TNIK: variants seen among roughly 807,000 people sequenced by gnomAD.
TNIK encodes TRAF2 and NCK interacting kinase, also known as TRAF2 and NCK-interacting protein kinase.
In TNIK, 49 loss-of-function variants were observed where a neutral mutation model predicts 191.3. That is an observed-to-expected ratio of 0.26 (90% CI 0.20 to 0.32). The LOEUF (loss-of-function observed/expected upper bound fraction) is 0.32, where lower values mean the gene tolerates loss of function less well. TNIK is among the 10% of genes least tolerant of loss of function. TNIK has a pLI of 1.00. For synonymous variants in TNIK, 594 were observed against 600.9 expected, an observed-to-expected ratio of 0.99 and a Z score of 0.17; for missense variants, 1,155 against 1,702.3, an observed-to-expected ratio of 0.68 and a Z score of 5.66.
intron 4 of TNIK, among the ~76,000 whole-genome samples, chr3:171,197,363 C>T (rs932475911): frequency 1.3e-5 from 2 of 151,378 alleles, no homozygotes; most frequent in Non-Finnish European, 2.9e-5. Flanking sequence ...TTAGATATGA[C>T]AACAAATGCA....
chr3:171,155,380 C>G (rs766071523), intron 12 of TNIK, among the ~76,000 whole-genome samples: 18 of 152,214 alleles, frequency 1.2e-4, no homozygotes, highest in Non-Finnish European at 2.4e-4. Context: ...TTCTTCTCCA[C>G]TGCGCTATAG....
At chr3:171,219,432 C>A (rs1742008908) in intron 3 of TNIK, among the ~76,000 whole-genome samples, 1 of 150,536 alleles carries the variant, frequency 6.6e-6, no homozygotes, top group African/African-American at 2.4e-5. Context: ...GGTGCCAGTG[C>A]CAGTGCCAGG....
intron 2 of TNIK, among the ~76,000 whole-genome samples, chr3:171,344,708 T>G (rs1038133678): frequency 1.5e-4 from 20 of 132,026 alleles, no homozygotes; most frequent in African/African-American, 4.6e-4. Context: ...AATTACCTCT[T>G]TTTACAACAT....
chr3:171,273,139 C>A (rs1197182132), intron 2 of TNIK, among the ~76,000 whole-genome samples: 1 of 152,198 alleles, frequency 6.6e-6, no homozygotes, highest in Non-Finnish European at 1.5e-5. Context: ...CTCTGTGCTG[C>A]TGACAACTGT....
intron 17 of TNIK, among the ~76,000 whole-genome samples, chr3:171,125,571 A>G (rs1728345840): frequency 6.6e-6 from 1 of 152,208 alleles, no homozygotes; most frequent in Non-Finnish European, 1.5e-5. Flanking sequence ...AATTGTCTTG[A>G]TGTAGATTCA....
At chr3:171,335,265 A>G (rs1756847745) in intron 2 of TNIK, among the ~76,000 whole-genome samples, 1 of 152,196 alleles carries the variant, frequency 6.6e-6, no homozygotes, top group Non-Finnish European at 1.5e-5. Flanking sequence ...GTTGTTTATT[A>G]ATTTAGTAAT....
rs1213494843 is a variant in TNIK at position 171,366,682 on chromosome 3, C to T, written c.123+2938G>A. Among the ~76,000 whole-genome samples the T allele has an allele frequency of 1.3e-5, 2 of 151,980 alleles. No individual in the cohort carries two copies. The highest frequency in any genetic ancestry group is 1.3e-4 in the Admixed American group (2 of 15,260). On this transcript the variant is annotated intron_variant, in intron 2 of 32. Coordinates refer to ENST00000436636, the MANE Select transcript of TNIK (RefSeq NM_015028.4). The surrounding 1 kb of genome is among the most constrained non-coding windows in gnomAD (Gnocchi z 4.1). ...CCTGACTTTATGAAAACCAGGAATG[C>T]CAAAAGAGAGACTTTAAAAATTAAA... is the stretch of plus-strand genomic sequence containing the variant.
intron 16 of TNIK, among the ~76,000 whole-genome samples, chr3:171,127,652 TA>T (rs892545362): frequency 3.9e-5 from 6 of 152,138 alleles, no homozygotes; most frequent in South Asian, 2.1e-4. Flanking sequence ...GAAATTCCTG[TA>T]AAAAAATGTA....
chr3:171,456,827 T>C (rs6780676), intron 1 of TNIK, among the ~76,000 whole-genome samples: 8,817 of 152,314 alleles, frequency 0.058, 709 homozygotes, highest in African/African-American at 0.18. Flanking sequence ...AAATGTATTA[T>C]TGATTTCTGA....
chr3:171,446,678 C>A (rs1429055122), intron 1 of TNIK, among the ~76,000 whole-genome samples: 3 of 152,198 alleles, frequency 2.0e-5, no homozygotes, highest in African/African-American at 7.2e-5. Context: ...ATGTGAAAAA[C>A]TGAAAGCACA....
intron 2 of TNIK, among the ~76,000 whole-genome samples, chr3:171,355,813 T>C (rs574613716): frequency 1.3e-5 from 2 of 152,340 alleles, no homozygotes; most frequent in East Asian, 3.9e-4. Context: ...ATCTCGGTAT[T>C]GTAGCCAGGT....
chr3:171,289,927 A>G (rs1751492322), intron 2 of TNIK, among the ~76,000 whole-genome samples: 1 of 150,278 alleles, frequency 6.7e-6, no homozygotes, highest in Non-Finnish European at 1.5e-5. Context: ...AAAAAAGTGT[A>G]AAGAAAGGCC....
intron 2 of TNIK, among the ~76,000 whole-genome samples, chr3:171,308,005 G>C (rs1238819777): frequency 2.6e-5 from 4 of 152,010 alleles, no homozygotes; most frequent in Non-Finnish European, 5.9e-5. Flanking sequence ...CCTATCCCAA[G>C]CAATTTACAG....
intron 2 of TNIK, among the ~76,000 whole-genome samples, chr3:171,328,752 C>T (rs1560434781): frequency 6.6e-6 from 1 of 152,152 alleles, no homozygotes; most frequent in Non-Finnish European, 1.5e-5. Context: ...GAAACTGGCT[C>T]CCCACCCTCT....
intron 2 of TNIK, among the ~76,000 whole-genome samples, chr3:171,241,165 G>C (rs957616519): frequency 6.6e-6 from 1 of 151,852 alleles, no homozygotes. Flanking sequence ...CGAGTAGCTG[G>C]GATTACAGGT....
chr3:171,162,926 A>G (rs141695213), intron 10 of TNIK, among the ~76,000 whole-genome samples: 38 of 152,372 alleles, frequency 2.5e-4, no homozygotes, highest in Middle Eastern at 3.4e-3. Flanking sequence ...AAAGAAAGGA[A>G]CAGCTAGTGC....
chr3:171,373,441 A>G (rs1476439191), intron 1 of TNIK, among the ~76,000 whole-genome samples: 2 of 152,050 alleles, frequency 1.3e-5, no homozygotes, highest in Non-Finnish European at 2.9e-5. Context: ...AGTGTCAATG[A>G]TCTTATCTCC....
intron 15 of TNIK, among the ~76,000 whole-genome samples, chr3:171,135,292 A>G (rs1280382246): frequency 1.3e-5 from 2 of 152,218 alleles, no homozygotes; most frequent in African/African-American, 4.8e-5. Context: ...AAAAGTTCAT[A>G]CACTGCTGAT....
chr3:171,282,334 G>GGTTTTTTTTTT (rs1553878294), intron 2 of TNIK, among the ~76,000 whole-genome samples: 2 of 114,546 alleles, frequency 1.7e-5, no homozygotes, highest in African/African-American at 6.9e-5. Flanking sequence ...TCTCTTAATG[G>GGTTTTTTTTTT]TTTTTTGTTT....
Sources: allele counts gnomAD v4.1 joint callset (sites outside exome capture counted in the v4.1 genomes callset), GRCh38; gene constraint gnomAD v4.1.1; non-coding constraint Gnocchi (gnomAD v3.1); transcripts MANE v1.5; gene names NCBI Gene and HGNC (gene_info 2026-07-23, HGNC 2026-07-21).